RHOQ: variants seen among roughly 807,000 people sequenced by gnomAD.
The protein encoded by RHOQ is ras homolog family member Q, also known as rho-related GTP-binding protein RhoQ.
RHOQ carries 7 observed loss-of-function variants against 25.8 expected under a neutral mutation model. The ratio of observed to expected loss-of-function variants is 0.27; its 90% CI spans 0.15 to 0.51. The LOEUF (loss-of-function observed/expected upper bound fraction) is 0.51. Among genes scored for constraint, RHOQ ranks in the 20% least tolerant of loss-of-function variants. RHOQ has a pLI of 0.97. For missense variants in RHOQ, 165 were observed against 260.6 expected, an observed-to-expected ratio of 0.63 and a Z score of 2.53; for synonymous variants, 97 against 98.6, an observed-to-expected ratio of 0.98 and a Z score of 0.10.
intron 2 of RHOQ, among the ~76,000 whole-genome samples, chr2:46,573,065 ATTT>A (rs35844392): frequency 9.1e-5 from 13 of 142,982 alleles, no homozygotes; most frequent in South Asian, 2.2e-4. Context: ...CTAACTGCCG[ATTT>A]TTTTTTTTTT....
intron 2 of RHOQ, among the ~76,000 whole-genome samples, chr2:46,549,064 T>G (rs1454822804): frequency 6.6e-6 from 1 of 152,126 alleles, no homozygotes; most frequent in Non-Finnish European, 1.5e-5. Context: ...ATCGGGCACA[T>G]AATCTGTGCC....
Position 46,542,546 on chromosome 2 carries a change from GGCAGGGCCGCGCGGCGGCA to G in RHOQ, c.-495_-477del, listed in dbSNP as rs1667842878. ...GCAGGGAGTGGGGCTCGGGTGCGCC[GGCAGGGCCGCGCGGCGGCA>G]GCAGGCGGGGGCGCGTGGCGCGGGC... On this transcript the variant is annotated 5_prime_UTR_variant, in exon 1 of 5. Transcript: ENST00000238738. The G allele has an allele frequency of 1.3e-5, 2 of 148,598 alleles. No homozygotes were observed. Among genetic ancestry groups the G allele is most frequent in the East Asian group, 3.9e-4 (2 of 5,104 alleles). 9.2% of individuals were successfully genotyped at this position (148,598 alleles called of 1,614,324 possible). A position where few individuals can be genotyped will look rare whatever the true frequency, so the allele number is the denominator to read the frequency against.
chr2:46,546,187 C>G (rs1668037914), intron 2 of RHOQ, among the ~76,000 whole-genome samples: 1 of 151,582 alleles, frequency 6.6e-6, no homozygotes, highest in South Asian at 2.1e-4. Flanking sequence ...ACTTTTGCAC[C>G]TGGGGAGTGC....
At chr2:46,553,840 G>A (rs1046796610) in intron 2 of RHOQ, among the ~76,000 whole-genome samples, 2 of 152,136 alleles carry the variant, frequency 1.3e-5, no homozygotes, top group African/African-American at 2.4e-5. Flanking sequence ...GCCTCCCAAA[G>A]TGCTGGGATT....
chr2:46,571,453 T>C (rs1263658353), intron 2 of RHOQ, among the ~76,000 whole-genome samples: 1 of 152,216 alleles, frequency 6.6e-6, no homozygotes, highest in East Asian at 1.9e-4. Context: ...AACATATAGA[T>C]ACTTAATGAG....
At chr2:46,547,537 G>A (rs553742611) in intron 2 of RHOQ, among the ~76,000 whole-genome samples, 2 of 152,372 alleles carry the variant, frequency 1.3e-5, no homozygotes, top group South Asian at 4.1e-4. Flanking sequence ...CACTGCCAAA[G>A]GGAACACTTC....
intron 2 of RHOQ, among the ~76,000 whole-genome samples, chr2:46,546,501 TATATATATATGTATATAC>T (rs1558680564): frequency 0.031 from 650 of 21,232 alleles, 103 homozygotes; most frequent in South Asian, 0.044. Flanking sequence ...TATATATATA[TATATATATATGTATATAC>T]ATATATATAT....
rs757129205 is a variant in RHOQ at position 46,548,763 on chromosome 2, T to C, written c.201+4951T>C. ...GTTTCCCTTAGTAACCTACTGTAGA[T>C]TTGTCATGTGTGCATTTTGCTAACC... On this transcript the variant is annotated intron_variant, in intron 2 of 4. Coordinates refer to ENST00000238738, the MANE Select transcript of RHOQ (RefSeq NM_012249.4). The surrounding 1 kb of genome is among the most constrained non-coding windows in gnomAD (Gnocchi z 5.2). Among the ~76,000 whole-genome samples the C allele has an allele frequency of 6.6e-6, 1 of 152,142 alleles. No individual in the cohort carries two copies. Among genetic ancestry groups the C allele is most frequent in the Non-Finnish European group, 1.5e-5 (1 of 68,030 alleles).
Position 46,556,623 on chromosome 2 carries a change from T to A in RHOQ, c.201+12811T>A, listed in dbSNP as rs1367379739. Among the ~76,000 whole-genome samples, 1 of 152,118 alleles carries A rather than the reference T, an allele frequency of 6.6e-6. No homozygotes were observed. Among genetic ancestry groups the A allele is most frequent in the Admixed American group, 6.6e-5 (1 of 15,262 alleles). On this transcript the variant is annotated intron_variant, in intron 2 of 4. Transcript: ENST00000238738. The surrounding 1 kb of genome is among the most constrained non-coding windows in gnomAD (Gnocchi z 4.9). ...TATTTATCAAACATATAAATATCCATTAAACATAAGAGTGAGGTGAGGAAC... is the reference window on the plus strand; with the variant it reads ...TATTTATCAAACATATAAATATCCAATAAACATAAGAGTGAGGTGAGGAAC...
At position 46,546,305 on chromosome 2, in the gene RHOQ, A is replaced by T. The variant is rs560022965; in HGVS notation, c.201+2493A>T. Among the ~76,000 whole-genome samples, 12 of 151,640 alleles carry T rather than the reference A, an allele frequency of 7.9e-5. No individual in the cohort carries two copies. The South Asian group carries it at 2.5e-3, about 32-fold the overall frequency. ...GTTACATAGGAGATCTCTACATTGC[A>T]CTTGGTCATTAAGACCTCAGGCTTC... On this transcript the variant is annotated intron_variant, in intron 2 of 4. Transcript: ENST00000238738.
chr2:46,543,827 C>T lies in RHOQ; in HGVS notation c.201+15C>T, dbSNP rs549313552. ...CGGCCGGACAGGTGAGTGTCTTGGC[C>T]TCTGGCCGACGCCCCCCTCCTGTTC... On this transcript the variant is annotated intron_variant, in intron 2 of 4. Coordinates refer to ENST00000238738, the MANE Select transcript of RHOQ (RefSeq NM_012249.4). 193 of 1,610,318 alleles carry T rather than the reference C, an allele frequency of 1.2e-4. 4 individuals carry two copies. The South Asian group carries it at 2.0e-3, about 16-fold the overall frequency.
At chr2:46,550,890 C>T (rs1229901447) in intron 2 of RHOQ, among the ~76,000 whole-genome samples, 1 of 152,080 alleles carries the variant, frequency 6.6e-6, no homozygotes, top group South Asian at 2.1e-4. Flanking sequence ...GGTGGGGGAT[C>T]GGGCCACAGA....
rs546033226 is a variant in RHOQ, at chr2:46,548,666, G to C, written c.201+4854G>C. The stretch of plus-strand genomic sequence containing the variant: ...ATCCTTGCTCAGCCCGGTGAGCAGA[G>C]CCTGGGAGGAGCCCCAGGGTTCCTT... On this transcript the variant is annotated intron_variant, in intron 2 of 4. Transcript: ENST00000238738. The surrounding 1 kb of genome is among the most constrained non-coding windows in gnomAD (Gnocchi z 5.2). 6.6e-6 allele frequency among the ~76,000 whole-genome samples: 1 copy of C among 152,200 alleles called. No individual in the cohort carries two copies. Among genetic ancestry groups the C allele is most frequent in the Non-Finnish European group, 1.5e-5 (1 of 68,034 alleles).
chr2:46,567,964 C>G (rs1054337208), intron 2 of RHOQ, among the ~76,000 whole-genome samples: 1 of 152,030 alleles, frequency 6.6e-6, no homozygotes, highest in African/African-American at 2.4e-5. Flanking sequence ...GTATCAACTA[C>G]TCGGGAGGCT....
intron 2 of RHOQ, among the ~76,000 whole-genome samples, chr2:46,570,379 G>A (rs917107732): frequency 2.0e-5 from 3 of 152,082 alleles, no homozygotes; most frequent in Non-Finnish European, 4.4e-5. Flanking sequence ...GGCAGAGGTG[G>A]CAGTGAGCCG....
chr2:46,548,630 C>A lies in RHOQ; in HGVS notation c.201+4818C>A, dbSNP rs577456998. 3.7e-3 allele frequency among the ~76,000 whole-genome samples: 563 copies of A among 152,244 alleles called. 4 individuals carry two copies. The highest frequency in any genetic ancestry group is 0.012 in the African/African-American group (517 of 41,550). On this transcript the variant is annotated intron_variant, in intron 2 of 4. Coordinates refer to ENST00000238738, the MANE Select transcript of RHOQ (RefSeq NM_012249.4). This position sits in a 1 kb window ranked among gnomAD's most constrained non-coding sequence, Gnocchi z 5.2. ...AACATCAGACTCTGGGTCCTTGTAG[C>A]CCCGTGTTCCATCCTTGCTCAGCCC...
At chr2:46,577,509 C>T (rs2104032855) in intron 4 of RHOQ, among the ~76,000 whole-genome samples, 1 of 148,538 alleles carries the variant, frequency 6.7e-6, no homozygotes, top group South Asian at 2.1e-4. Context: ...ATGCCATTCT[C>T]CTGCCTCAGC....
Position 46,552,614 on chromosome 2 carries a change from C to T in RHOQ, c.201+8802C>T, listed in dbSNP as rs1190542169. ...ATTGTTTGCCCTCTTGGGCCATCCC[C>T]ATTGCCACCACCTCTGCATGGGCTC... is the stretch of plus-strand genomic sequence containing the variant. On this transcript the variant is annotated intron_variant, in intron 2 of 4. Transcript: ENST00000238738. The surrounding 1 kb of genome is among the most constrained non-coding windows in gnomAD (Gnocchi z 5.0). Among the ~76,000 whole-genome samples the T allele has an allele frequency of 2.0e-5, 3 of 152,256 alleles. No homozygotes were observed. The highest frequency in any genetic ancestry group is 7.2e-5 in the African/African-American group (3 of 41,474).
At chr2:46,570,744 T>A (rs984952064) in intron 2 of RHOQ, among the ~76,000 whole-genome samples, 8 of 152,236 alleles carry the variant, frequency 5.3e-5, no homozygotes, top group African/African-American at 1.9e-4. Context: ...CCACCACTTT[T>A]CAGGGATATT....
Sources: allele counts gnomAD v4.1 joint callset (sites outside exome capture counted in the v4.1 genomes callset), GRCh38; gene constraint gnomAD v4.1.1; non-coding constraint Gnocchi (gnomAD v3.1); transcripts MANE v1.5; gene names NCBI Gene and HGNC (gene_info 2026-07-23, HGNC 2026-07-21).